Variants in LZTS3 observed in about 807,000 individuals in gnomAD.
The protein encoded by LZTS3 is leucine zipper putative tumor suppressor 3.
LZTS3 carries 16 observed loss-of-function variants against 50.9 expected under a neutral mutation model. The observed-to-expected ratio is 0.31, with a 90% confidence interval of 0.21 to 0.48. LZTS3 has a LOEUF of 0.48. LZTS3 is among the 20% of genes least tolerant of loss of function. LZTS3 has a pLI of 0.99. For synonymous variants in LZTS3, 408 were observed against 410.6 expected, an observed-to-expected ratio of 0.99 and a Z score of 0.08; for missense variants, 816 against 931.0, an observed-to-expected ratio of 0.88 and a Z score of 1.61.
chr20:3,169,879 T>TA (rs34415260), intron 1 of LZTS3, among the ~76,000 whole-genome samples: 782 of 62,494 alleles, frequency 0.013, 27 homozygotes, highest in African/African-American at 0.047. Flanking sequence ...ACTCTTTCCT[T>TA]AAAAAAAAAA....
intron 1 of LZTS3, among the ~76,000 whole-genome samples, chr20:3,173,194 G>T (rs2066920345): frequency 6.6e-6 from 1 of 152,150 alleles, no homozygotes; most frequent in Admixed American, 6.5e-5. Context: ...CCACCAACGC[G>T]TGTGGCCCCG....
rs112333966 is a variant in LZTS3 at position 3,167,430 on chromosome 20, TGCTCA to T, written c.-18-254_-18-250del. On this transcript the variant is annotated intron_variant, in intron 2 of 4. Coordinates refer to ENST00000337576, the MANE Select transcript of LZTS3 (RefSeq NM_001365618.1). Reference sequence around the variant, plus strand: ...GCTCCATGCACATAGCCCCCAGCGTTGCTCAGCTCAGCTCAGCTCAGCTCAGCTCA... The same window carrying T: ...GCTCCATGCACATAGCCCCCAGCGTTGCTCAGCTCAGCTCAGCTCAGCTCA... 2,558 of 1,213,480 alleles carry T rather than the reference TGCTCA, an allele frequency of 2.1e-3. 3 individuals carry two copies. Among genetic ancestry groups the T allele is most frequent in the Non-Finnish European group, 2.4e-3 (2,341 of 978,980 alleles). 75.2% of individuals were successfully genotyped at this position (1,213,480 alleles called of 1,614,324 possible).
Position 3,165,418 on chromosome 20 carries a change from T to A in LZTS3, c.1323+79A>T. The stretch of plus-strand genomic sequence containing the variant: ...CCCCCCCCCCATCCCACCGTTATGA[T>A]AGTGAGGGGCAACTGCTCTGGGGTT... On this transcript the variant is annotated intron_variant, in intron 4 of 4. Coordinates refer to ENST00000337576, the MANE Select transcript of LZTS3 (RefSeq NM_001365618.1). The surrounding 1 kb of genome is among the most constrained non-coding windows in gnomAD (Gnocchi z 5.0). 3.2e-6 allele frequency: 3 copies of A among 940,968 alleles called. No individual in the cohort carries two copies. Among genetic ancestry groups the A allele is most frequent in the Non-Finnish European group, 4.4e-6 (3 of 687,630 alleles). 58.3% of individuals were successfully genotyped at this position (940,968 alleles called of 1,614,324 possible). A position where few individuals can be genotyped will look rare whatever the true frequency, so the allele number is the denominator to read the frequency against.
chr20:3,170,076 G>A (rs1341740893), intron 1 of LZTS3, among the ~76,000 whole-genome samples: 1 of 152,080 alleles, frequency 6.6e-6, no homozygotes, highest in African/African-American at 2.4e-5. Context: ...CAAGAATGTG[G>A]GGACAGTTTC....
chr20:3,165,154 T>C lies in LZTS3; in HGVS notation c.1324-2A>G. On this transcript the variant is annotated splice_acceptor_variant, in intron 4 of 4. Coordinates refer to ENST00000337576, the MANE Select transcript of LZTS3 (RefSeq NM_001365618.1). LOFTEE classifies it high-confidence loss of function. The surrounding 1 kb of genome is among the most constrained non-coding windows in gnomAD (Gnocchi z 5.0). ...GATCTCGCCAGCCTTCTGGCACACC[T>C]GGGCAGGAACAGGTGAGAGGAGAAG... 1 of 1,555,616 alleles carries C rather than the reference T, an allele frequency of 6.4e-7. No individual in the cohort carries two copies. Among genetic ancestry groups the C allele is most frequent in the South Asian group, 1.2e-5 (1 of 83,066 alleles).
At position 3,164,196 on chromosome 20, in the gene LZTS3, C is replaced by T. The variant is rs1316783980; in HGVS notation, c.*258G>A. On this transcript the variant is annotated 3_prime_UTR_variant, in exon 5 of 5. Coordinates refer to ENST00000337576, the MANE Select transcript of LZTS3 (RefSeq NM_001365618.1). ...TGCCGAGAAAGGGAGCATGACTCCC[C>T]CACCACCTAGGATTGCCCCCACTCA... 2.4e-6 allele frequency: 1 copy of T among 416,354 alleles called. No homozygotes were observed. Among genetic ancestry groups the T allele is most frequent in the Non-Finnish European group, 4.2e-6 (1 of 239,174 alleles). The allele number at this position is 416,354 out of a possible 1,614,324, so 25.8% of individuals were successfully genotyped here.
chr20:3,164,744 C>A lies in LZTS3; in HGVS notation c.1732G>T (p.Gly578Trp), dbSNP rs1185601685. The stretch of plus-strand genomic sequence containing the variant: ...GCCGCCAGCTCGGCCTGCAGCCGCC[C>A]CACCTCCCGCCGCAGGGCCCGCGTC... ...SGTRALRREV[G>W]RLQAELAAER... The change falls in exon 5 of 5, where the codon GGG becomes TGG. Residue 578 changes from glycine (G) to tryptophan (W), a missense_variant. Gly to Trp is a radical substitution (Grantham distance 184). Around this residue, in one of 3 missense-constraint regions of LZTS3, gnomAD observed 9 missense variants for 31.2 expected, o/e 0.29. Transcript: ENST00000337576. 1 of 1,524,902 alleles carries A rather than the reference C, an allele frequency of 6.6e-7. No individual in the cohort carries two copies. The highest frequency in any genetic ancestry group is 8.8e-7 in the Non-Finnish European group (1 of 1,138,712). The allele number at this position is 1,524,902 out of a possible 1,614,324, so 94.5% of individuals were successfully genotyped here.
At chr20:3,168,942 C>T (rs1436606939) in intron 1 of LZTS3, among the ~76,000 whole-genome samples, 1 of 152,128 alleles carries the variant, frequency 6.6e-6, no homozygotes, top group Non-Finnish European at 1.5e-5. Context: ...GTCTTCTGGC[C>T]CCCACACCAG....
At chr20:3,172,102 G>A (rs138560368) in intron 1 of LZTS3, among the ~76,000 whole-genome samples, 1,602 of 152,234 alleles carry the variant, frequency 0.011, 17 homozygotes, top group Non-Finnish European at 0.016. Flanking sequence ...CTCCTCAATG[G>A]ACTTTCTTCT....
chr20:3,171,747 A>G (rs771235120), intron 1 of LZTS3, among the ~76,000 whole-genome samples: 2 of 151,908 alleles, frequency 1.3e-5, no homozygotes, highest in Non-Finnish European at 2.9e-5. Context: ...CTGAACTGAG[A>G]GGAAAGGTCA....
rs1232731572 is a variant in LZTS3 at position 3,167,882 on chromosome 20, T to A, written c.-163A>T. The A allele has an allele frequency of 1.0e-6, 1 of 985,100 alleles. No homozygotes were observed. Among genetic ancestry groups the A allele is most frequent in the East Asian group, 1.1e-4 (1 of 8,800 alleles). The allele number at this position is 985,100 out of a possible 1,614,324, so 61.0% of individuals were successfully genotyped here. Reference sequence around the variant, plus strand: ...TCTGCAGGGGCCATGTGCCTCACTCTCGCAGTCGGGGCTCGGCCCGAACCA... The same window carrying A: ...TCTGCAGGGGCCATGTGCCTCACTCACGCAGTCGGGGCTCGGCCCGAACCA... On this transcript the variant is annotated 5_prime_UTR_variant, in exon 2 of 5. Transcript: ENST00000337576.
chr20:3,164,938 G>A lies in LZTS3; in HGVS notation c.1538C>T (p.Pro513Leu), dbSNP rs1424078919. The A allele has an allele frequency of 3.2e-6, 5 of 1,550,422 alleles. No homozygotes were observed. The highest frequency in any genetic ancestry group is 1.4e-5 in the African/African-American group (1 of 73,944). ...CAGCGCCGGCTTGAGGCAGGCGGCA[G>A]GCAGCTCGCCTTCGCCCAGCTCCAG... is the stretch of plus-strand genomic sequence containing the variant. ...ASLELGEGELPAACLKPALTP... is the reference protein window; with the variant it reads ...ASLELGEGELLAACLKPALTP... Residue 513 changes from proline to leucine, a missense_variant, in exon 5 of 5, where the codon CCT (proline) becomes CTT (leucine). Around this residue, in one of 3 missense-constraint regions of LZTS3, gnomAD observed 700 missense variants for 769.4 expected, o/e 0.91. Transcript: ENST00000337576.
In LZTS3 at chr20:3,166,663, C is replaced by G. The variant is rs781272250; in HGVS notation, c.459+42G>C. 4 of 1,590,496 alleles carry G rather than the reference C, an allele frequency of 2.5e-6. No individual in the cohort carries two copies. In the African/African-American group the frequency reaches 4.0e-5, roughly 16 times the overall value. On this transcript the variant is annotated intron_variant, in intron 3 of 4. Coordinates refer to ENST00000337576, the MANE Select transcript of LZTS3 (RefSeq NM_001365618.1). ...CTTCCTCTCTGGGTTGCCTCCCACC[C>G]CCAGAAAAAGGCTGTGAGGGTCTCA...
intron 1 of LZTS3, among the ~76,000 whole-genome samples, chr20:3,173,002 C>T (rs923027734): frequency 6.6e-6 from 1 of 152,028 alleles, no homozygotes; most frequent in African/African-American, 2.4e-5. Flanking sequence ...CGAGAGCGCC[C>T]CCTCCACCCC....
chr20:3,165,579 C>T lies in LZTS3; in HGVS notation c.1241G>A (p.Arg414Gln). ...GGCCACCTTGTCCTCCAGCTCTTCC[C>T]GCTGCCGCATCAGCCGGGCCGCCTC... Reference protein sequence around the residue: ...QEEAARLMRQREELEDKVAAC... With the variant: ...QEEAARLMRQQEELEDKVAAC... Residue 414 changes from arginine (R) to glutamine (Q), a missense_variant, in exon 4 of 5, where the codon CGG becomes CAG. Arg to Gln is a conservative substitution (Grantham distance 43). Coordinates refer to ENST00000337576, the MANE Select transcript of LZTS3 (RefSeq NM_001365618.1). This position sits in a 1 kb window ranked among gnomAD's most constrained non-coding sequence, Gnocchi z 5.0. The T allele has an allele frequency of 1.9e-6, 3 of 1,595,836 alleles. No homozygotes were observed. Among genetic ancestry groups the T allele is most frequent in the Non-Finnish European group, 2.5e-6 (3 of 1,178,304 alleles).
chr20:3,167,614 A>G (rs1028300270), intron 2 of LZTS3, 124 bp downstream of exon 2: 3 of 991,750 alleles, frequency 3.0e-6, no homozygotes, highest in Non-Finnish European at 3.6e-6. Flanking sequence ...GGCTGGGGAA[A>G]TGGGGTTGGA....
At chr20:3,167,440 A>AGCTC in intron 2 of LZTS3, 1 of 1,193,880 alleles carries the variant, frequency 8.4e-7, no homozygotes, top group Non-Finnish European at 1.0e-6. Flanking sequence ...TGCTCAGCTC[A>AGCTC]GCTCAGCTCA....
chr20:3,170,002 G>C (rs953959746), intron 1 of LZTS3, among the ~76,000 whole-genome samples: 2 of 151,838 alleles, frequency 1.3e-5, no homozygotes, highest in African/African-American at 4.8e-5. Context: ...AGTCTGGAAG[G>C]CACTCTGGGA....
rs201027353 is a variant in LZTS3, at chr20:3,166,883, G to A, written c.281C>T (p.Ala94Val). ...CTCACCATTGAGGTAGAGGGAGTTGGCGAGACCCTTGTCCTCTGAGGGGTA... is the reference window on the plus strand; with the variant it reads ...CTCACCATTGAGGTAGAGGGAGTTGACGAGACCCTTGTCCTCTGAGGGGTA... ...GRYPSEDKGL[A>V]NSLYLNGELR... Residue 94 changes from alanine (A) to valine (V), a missense_variant, in exon 3 of 5, where the codon GCC becomes GTC. Ala to Val is a moderately conservative substitution (Grantham distance 64). Transcript: ENST00000337576. 1.2e-5 allele frequency: 20 copies of A among 1,613,474 alleles called. No homozygotes were observed. Among genetic ancestry groups the A allele is most frequent in the Admixed American group, 3.3e-5 (2 of 59,988 alleles).
Sources: gnomAD v4.1 joint callset for allele counts (sites outside exome capture counted in the v4.1 genomes callset) on GRCh38, gnomAD v4.1.1 for gene constraint, gnomAD v4.1.1 regional missense constraint, Gnocchi (gnomAD v3.1) non-coding constraint, MANE v1.5 for transcripts, NCBI Gene and HGNC (gene_info 2026-07-23, HGNC 2026-07-21) for gene names.